Variants in LUZP2 observed in about 807,000 individuals in gnomAD.
LUZP2 encodes leucine zipper protein 2.
Under a neutral mutation model 51.6 loss-of-function variants are expected in LUZP2, and 52 were observed. The observed-to-expected ratio is 1.01, with a 90% CI of 0.81 to 1.27. The LOEUF is 1.27. Ranked by LOEUF, LUZP2 falls within the 50% of genes most tolerant of loss-of-function variation. The pLI is 0.00. For synonymous variants in LUZP2, 154 were observed against 137.3 expected (o/e 1.12, Z -0.85); for missense variants, 436 against 395.4 (o/e 1.10, Z -0.87).
intron 5 of LUZP2, among the ~76,000 whole-genome samples, chr11:24,905,599 T>C (rs1449743149): frequency 6.6e-6 from 1 of 152,124 alleles, no homozygotes; most frequent in Non-Finnish European, 1.5e-5. Context: ...TCATGGACAT[T>C]GACAGAACAT....
chr11:24,573,144 G>A (rs965777971), intron 1 of LUZP2, among the ~76,000 whole-genome samples: 3 of 151,940 alleles, frequency 2.0e-5, no homozygotes, highest in African/African-American at 7.2e-5. Context: ...TTTAAAGCAG[G>A]AAGATACCAG....
Position 24,923,144 on chromosome 11 carries a change from G to A in LUZP2, c.522+8606G>A, listed in dbSNP as rs191291586. Reference sequence around the variant, plus strand: ...ATGACCGGCGTGAGCCACCGCGCCCGGCCAGCACAGTTATATCTTAATCGA... The same window carrying A: ...ATGACCGGCGTGAGCCACCGCGCCCAGCCAGCACAGTTATATCTTAATCGA... On this transcript the variant is annotated intron_variant, in intron 7 of 11. Coordinates refer to ENST00000336930, the MANE Select transcript of LUZP2 (RefSeq NM_001009909.4). Among the ~76,000 whole-genome samples the A allele has an allele frequency of 1.7e-3, 260 of 151,338 alleles. 3 individuals are homozygous for A. The highest frequency in any genetic ancestry group is 6.1e-3 in the African/African-American group (252 of 41,312).
chr11:24,658,939 G>T (rs1565059127), intron 1 of LUZP2, among the ~76,000 whole-genome samples: 1 of 152,218 alleles, frequency 6.6e-6, no homozygotes, highest in Non-Finnish European at 1.5e-5. Context: ...TGGAGAGGAT[G>T]TGGAGAAATA....
intron 7 of LUZP2, among the ~76,000 whole-genome samples, chr11:24,918,042 G>C (rs1443536385): frequency 6.6e-6 from 1 of 151,860 alleles, no homozygotes; most frequent in African/African-American, 2.4e-5. Flanking sequence ...CCTTGAAGAG[G>C]TCCTTCACAT....
intron 1 of LUZP2, among the ~76,000 whole-genome samples, chr11:24,681,902 T>A (rs11028104): frequency 0.19 from 28,155 of 152,148 alleles, 2,698 homozygotes; most frequent in East Asian, 0.33. Context: ...AATCACCCCA[T>A]GCTAACAGGT....
In LUZP2 at chr11:25,076,965, A is replaced by C. The variant is rs560380263; in HGVS notation, c.859-364A>C. On this transcript the variant is annotated intron_variant, in intron 10 of 11. Transcript: ENST00000336930. The stretch of plus-strand genomic sequence containing the variant: ...TTGCAATATTGATGTTCCTGCAGGC[A>C]CTCTGATAATTGACATATATAAATC... Among the ~76,000 whole-genome samples, 381 of 152,178 alleles carry C rather than the reference A, an allele frequency of 2.5e-3. 1 individual carries two copies. The highest frequency in any genetic ancestry group is 4.0e-3 in the Non-Finnish European group (272 of 68,004).
chr11:24,748,307 G>T (rs1182112330), intron 4 of LUZP2, among the ~76,000 whole-genome samples: 1 of 152,040 alleles, frequency 6.6e-6, no homozygotes, highest in Non-Finnish European at 1.5e-5. Flanking sequence ...CCTGCAAACT[G>T]CTCCTTCAGT....
At chr11:24,609,345 C>G (rs1022145155) in intron 1 of LUZP2, among the ~76,000 whole-genome samples, 13 of 152,108 alleles carry the variant, frequency 8.5e-5, no homozygotes, top group African/African-American at 3.1e-4. Context: ...CTGAAACTCT[C>G]CACAGTTGTA....
rs1270348458 is a variant in LUZP2, at chr11:25,080,225, A to G, written c.*1567A>G. ...TTTGTTATTTTTTGGAGGGCTAGTG[A>G]TACATGGTCCATGAAATATTCAACA... is the stretch of plus-strand genomic sequence containing the variant. On this transcript the variant is annotated 3_prime_UTR_variant, in exon 12 of 12. Transcript: ENST00000336930. 6.6e-6 allele frequency: 1 copy of G among 152,108 alleles called. No homozygotes were observed. The highest frequency in any genetic ancestry group is 2.4e-5 in the African/African-American group (1 of 41,424). 9.4% of individuals were successfully genotyped at this position (152,108 alleles called of 1,614,324 possible).
At chr11:24,726,927 C>T (rs1858500756) in intron 1 of LUZP2, among the ~76,000 whole-genome samples, 1 of 152,000 alleles carries the variant, frequency 6.6e-6, no homozygotes, top group Non-Finnish European at 1.5e-5. Context: ...ATTTGGTTTC[C>T]TCTTACATAA....
At chr11:24,609,672 A>G (rs2133884318) in intron 1 of LUZP2, among the ~76,000 whole-genome samples, 1 of 149,420 alleles carries the variant, frequency 6.7e-6, no homozygotes, top group African/African-American at 2.5e-5. Context: ...GGAGGTTACA[A>G]TGAGCTGAGA....
chr11:24,727,056 A>G (rs1590406179), intron 1 of LUZP2, among the ~76,000 whole-genome samples: 1 of 63,956 alleles, frequency 1.6e-5, no homozygotes, highest in African/African-American at 5.1e-5. Context: ...AGAGAGATTT[A>G]AATTGGTTCT....
At chr11:24,503,341 A>T (rs1399090814) in intron 1 of LUZP2, among the ~76,000 whole-genome samples, 2 of 152,190 alleles carry the variant, frequency 1.3e-5, no homozygotes, top group African/African-American at 4.8e-5. Flanking sequence ...ATTTACCGCT[A>T]AGAGTAGATG....
chr11:24,827,952 C>G (rs1850591647), intron 5 of LUZP2, among the ~76,000 whole-genome samples: 1 of 151,862 alleles, frequency 6.6e-6, no homozygotes, highest in South Asian at 2.1e-4. Flanking sequence ...TTAGACTAGA[C>G]CAAGCTGAAT....
At chr11:24,598,857 A>G (rs1008277512) in intron 1 of LUZP2, among the ~76,000 whole-genome samples, 2 of 152,176 alleles carry the variant, frequency 1.3e-5, no homozygotes, top group Non-Finnish European at 2.9e-5. Flanking sequence ...TGTTGCCAAC[A>G]CTACAAGCCT....
rs1277388215 is a variant in LUZP2 at position 24,922,825 on chromosome 11, C to CTTTTTTTTTTTTT, written c.522+8298_522+8299insTTTTTTTTTTTTT. On this transcript the variant is annotated intron_variant, in intron 7 of 11. Transcript: ENST00000336930. ...GGACTACCAAGTGGCACAGTTATAT[C>CTTTTTTTTTTTTT]TTTTTTTTTTTCTTTTTTTTTTTTT... 6.7e-5 allele frequency among the ~76,000 whole-genome samples: 3 copies of CTTTTTTTTTTTTT among 44,624 alleles called. 1 individual carries two copies. The highest frequency in any genetic ancestry group is 1.3e-4 in the Non-Finnish European group (2 of 15,582). 29.3% of individuals were successfully genotyped at this position (44,624 alleles called of 152,430 possible).
At chr11:24,841,076 C>T (rs1288438515) in intron 5 of LUZP2, among the ~76,000 whole-genome samples, 3 of 151,806 alleles carry the variant, frequency 2.0e-5, no homozygotes, top group Non-Finnish European at 4.4e-5. Flanking sequence ...GTGTTATAGA[C>T]TATATGTTTC....
In LUZP2 at chr11:25,036,943, G is replaced by T. The variant is rs149674102; in HGVS notation, c.766-13095G>T. Among the ~76,000 whole-genome samples, 292 of 152,224 alleles carry T rather than the reference G, an allele frequency of 1.9e-3. 3 individuals carry two copies. The highest frequency in any genetic ancestry group is 6.6e-3 in the African/African-American group (275 of 41,546). ...ATGTATATCCTATGGTTGTTGAGTG[G>T]AGTATTGTGTAGATGTCTATTAGGT... On this transcript the variant is annotated intron_variant, in intron 9 of 11. Transcript: ENST00000336930.
intron 1 of LUZP2, among the ~76,000 whole-genome samples, chr11:24,651,846 A>T (rs1487837578): frequency 1.3e-5 from 2 of 152,132 alleles, no homozygotes; most frequent in Non-Finnish European, 2.9e-5. Flanking sequence ...CTGCCAGCAG[A>T]CTGCCTTTGG....
Sources: allele counts gnomAD v4.1 joint callset (sites outside exome capture counted in the v4.1 genomes callset), GRCh38; gene constraint gnomAD v4.1.1; transcripts MANE v1.5; gene names NCBI Gene and HGNC (gene_info 2026-07-23, HGNC 2026-07-21).